Variants in CDH18 observed in about 807,000 individuals in gnomAD.
CDH18 encodes cadherin 18.
CDH18 carries 31 observed loss-of-function variants against 67.9 expected under a neutral mutation model. The ratio of observed to expected loss-of-function variants is 0.46; its 90% confidence interval spans 0.34 to 0.62. The LOEUF is 0.62. Ranked by LOEUF, CDH18 falls within the 20% of genes least tolerant of loss-of-function variation. The pLI is 0.01. For synonymous variants in CDH18, 362 were observed against 347.2 expected, an observed-to-expected ratio of 1.04 and a Z score of -0.48; for missense variants, 890 against 975.5, an observed-to-expected ratio of 0.91 and a Z score of 1.17.
At chr5:20,025,721 C>T (rs1218244547) in intron 2 of CDH18, among the ~76,000 whole-genome samples, 1 of 152,144 alleles carries the variant, frequency 6.6e-6, no homozygotes, top group Non-Finnish European at 1.5e-5. Flanking sequence ...TTCTCTTAAT[C>T]AGCTTTCTTG....
intron 1 of CDH18, among the ~76,000 whole-genome samples, chr5:20,544,695 G>C (rs997531906): frequency 6.6e-6 from 1 of 152,092 alleles, no homozygotes; most frequent in African/African-American, 2.4e-5. Flanking sequence ...CCTCCCACCA[G>C]GTCCCACCCT....
intron 1 of CDH18, chr5:20,304,245 T>G: frequency 6.4e-7 from 1 of 1,571,172 alleles, no homozygotes; most frequent in Non-Finnish European, 8.8e-7. Flanking sequence ...AGCAATATGT[T>G]GCCTAAATTG....
At chr5:20,545,203 C>T (rs1757274287) in intron 1 of CDH18, among the ~76,000 whole-genome samples, 2 of 152,206 alleles carry the variant, frequency 1.3e-5, no homozygotes, top group Admixed American at 6.5e-5. Flanking sequence ...GGTACAGCCT[C>T]TGCTGCTGCT....
intron 9 of CDH18, among the ~76,000 whole-genome samples, chr5:19,534,937 T>C (rs1749184336): frequency 1.3e-5 from 2 of 152,094 alleles, no homozygotes; most frequent in South Asian, 4.1e-4. Flanking sequence ...GTCCATGATG[T>C]GAAAAACTGA....
At chr5:19,839,340 G>A in intron 2 of CDH18, 98 bp from the exon 3 acceptor site, 1 of 231,452 alleles carries the variant, frequency 4.3e-6, no homozygotes, top group East Asian at 9.9e-5. Context: ...GATACTGATA[G>A]GCAAAGAACA....
chr5:20,573,544 GATT>G (rs145179384), intron 1 of CDH18, among the ~76,000 whole-genome samples: 3,776 of 151,236 alleles, frequency 0.025, 159 homozygotes, highest in African/African-American at 0.086. Context: ...TGAGATGTCA[GATT>G]ATTTGCATAA....
At chr5:19,480,736 T>C (rs1206371114) in intron 12 of CDH18, among the ~76,000 whole-genome samples, 1 of 151,734 alleles carries the variant, frequency 6.6e-6, no homozygotes, top group Non-Finnish European at 1.5e-5. Flanking sequence ...TTACTGTACA[T>C]ATTTATTTGT....
At chr5:20,501,572 ATATATATATTATATATATATAT>A (rs1272805676) in intron 1 of CDH18, among the ~76,000 whole-genome samples, 30 of 25,182 alleles carry the variant, frequency 1.2e-3, no homozygotes, top group African/African-American at 3.2e-3. Context: ...TATATATAAT[ATATATATATTATATATATATAT>A]TATATATATA....
intron 1 of CDH18, among the ~76,000 whole-genome samples, chr5:20,301,898 T>C (rs1735971147): frequency 6.7e-6 from 1 of 149,354 alleles, no homozygotes; most frequent in African/African-American, 2.5e-5. Context: ...ACAGTCAGAC[T>C]TGTCCTTCCA....
chr5:19,505,581 G>A (rs1168207234), intron 10 of CDH18, among the ~76,000 whole-genome samples: 1 of 151,910 alleles, frequency 6.6e-6, no homozygotes, highest in Non-Finnish European at 1.5e-5. Context: ...ATAATCATGT[G>A]GTTTTTGTTG....
Position 19,638,977 on chromosome 5 carries a change from G to GTTTTTTTTTTTTTTTTTTTTT in CDH18, c.644-26397_644-26377dup, listed in dbSNP as rs34631530. Among the ~76,000 whole-genome samples the GTTTTTTTTTTTTTTTTTTTTT allele has an allele frequency of 2.5e-3, 138 of 54,662 alleles. 4 individuals carry two copies. Among genetic ancestry groups the GTTTTTTTTTTTTTTTTTTTTT allele is most frequent in the South Asian group, 3.1e-3 (3 of 962 alleles). 35.9% of individuals were successfully genotyped at this position (54,662 alleles called of 152,430 possible). ...GATCGCTGGGAAGTTTTTTGTTGCTGTTTTTTTTTTTTTTTTTTTTTTTTT... is the reference window on the plus strand; with the variant it reads ...GATCGCTGGGAAGTTTTTTGTTGCTGTTTTTTTTTTTTTTTTTTTTTTTTTTTTTTTTTTTTTTTTTTTTTT... On this transcript the variant is annotated intron_variant, in intron 5 of 12. Coordinates refer to ENST00000382275, the MANE Select transcript of CDH18 (RefSeq NM_004934.5).
At chr5:20,501,774 A>G (rs1332910058) in intron 1 of CDH18, among the ~76,000 whole-genome samples, 2 of 141,922 alleles carry the variant, frequency 1.4e-5, no homozygotes, top group South Asian at 2.3e-4. Flanking sequence ...TACAGATTGA[A>G]TAAGTATAGC....
In CDH18 at chr5:20,235,725, C is replaced by T. The variant is rs370201679; in HGVS notation, c.-518+19719G>A. Among the ~76,000 whole-genome samples, 23 of 152,142 alleles carry T rather than the reference C, an allele frequency of 1.5e-4. No homozygotes were observed. In the East Asian group the frequency reaches 2.7e-3, roughly 18 times the overall value. On this transcript the variant is annotated intron_variant, in intron 2 of 14. Transcript: ENST00000507958. Reference sequence around the variant, plus strand: ...TGTGGAGAGTAGTTTGGAGATATCTCAAATAACTGAGAATTGAACTACCAT... The same window carrying T: ...TGTGGAGAGTAGTTTGGAGATATCTTAAATAACTGAGAATTGAACTACCAT...
chr5:20,465,287 A>C (rs572870082), intron 1 of CDH18, among the ~76,000 whole-genome samples: 84 of 152,164 alleles, frequency 5.5e-4, no homozygotes, highest in African/African-American at 1.9e-3. Flanking sequence ...TACAGTAAAA[A>C]TTCAGGGGAA....
chr5:20,487,197 A>G (rs1041814063), intron 1 of CDH18, among the ~76,000 whole-genome samples: 8 of 152,134 alleles, frequency 5.3e-5, no homozygotes, highest in African/African-American at 1.7e-4. Flanking sequence ...TAACCCTTCC[A>G]GTGACGTTAA....
At chr5:19,791,235 G>A (rs1169727337) in intron 3 of CDH18, among the ~76,000 whole-genome samples, 2 of 151,936 alleles carry the variant, frequency 1.3e-5, no homozygotes, top group African/African-American at 2.4e-5. Flanking sequence ...GTGGCAGTGC[G>A]TGTGGTAGTA....
intron 5 of CDH18, among the ~76,000 whole-genome samples, chr5:19,695,533 T>A (rs1282475117): frequency 6.6e-6 from 1 of 152,200 alleles, no homozygotes. Flanking sequence ...TTTTTTCGCT[T>A]GACATACAAT....
At chr5:20,172,662 T>G (rs138327853) in intron 2 of CDH18, among the ~76,000 whole-genome samples, 1 of 151,962 alleles carries the variant, frequency 6.6e-6, no homozygotes, top group Non-Finnish European at 1.5e-5. Flanking sequence ...TACAAAAATA[T>G]ATGAAGCAGG....
At chr5:20,357,765 C>T (rs1469347983) in intron 1 of CDH18, among the ~76,000 whole-genome samples, 1 of 152,018 alleles carries the variant, frequency 6.6e-6, no homozygotes, top group East Asian at 1.9e-4. Flanking sequence ...TCTCAAATAA[C>T]AAAAGTTGAA....
Sources: allele counts gnomAD v4.1 joint callset (sites outside exome capture counted in the v4.1 genomes callset), GRCh38; gene constraint gnomAD v4.1.1; transcripts MANE v1.5; gene names NCBI Gene and HGNC (gene_info 2026-07-23, HGNC 2026-07-21).